The following NALF1 variants were observed in gnomAD, a reference collection of about 807,000 sequenced individuals.
NALF1 encodes family with sequence similarity 155 member A.
Under a neutral mutation model 48.4 loss-of-function variants are expected in NALF1, and 3 were observed. The ratio of observed to expected loss-of-function variants is 0.06; its 90% CI spans 0.03 to 0.16. The LOEUF is 0.16. NALF1 is among the 10% of genes least tolerant of loss of function. The pLI, the probability that NALF1 is intolerant of heterozygous loss-of-function variation, is 1.00. For synonymous variants in NALF1, 262 were observed against 245.7 expected, an observed-to-expected ratio of 1.07 and a Z score of -0.62; for missense variants, 526 against 571.5, an observed-to-expected ratio of 0.92 and a Z score of 0.81.
chr13:107,801,893 A>G (rs550554456), intron 1 of NALF1, among the ~76,000 whole-genome samples: 3 of 152,242 alleles, frequency 2.0e-5, no homozygotes, highest in East Asian at 1.9e-4. Context: ...ATGATTCCGA[A>G]TTACCCTCTG....
rs1051030599 is a variant in NALF1, at chr13:107,277,152, C to T, written c.916-66397G>A. On this transcript the variant is annotated intron_variant, in intron 1 of 2. Coordinates refer to ENST00000375915, the MANE Select transcript of NALF1 (RefSeq NM_001080396.3). ...AAATAAGGAATACTGAGTATCTGCC[C>T]GGAAACTGCCAATTTAATACTTAAA... Among the ~76,000 whole-genome samples, 11 of 152,202 alleles carry T rather than the reference C, an allele frequency of 7.2e-5. No individual in the cohort carries two copies. The East Asian group carries it at 1.2e-3, about 16-fold the overall frequency.
intron 1 of NALF1, among the ~76,000 whole-genome samples, chr13:107,336,918 T>C (rs1439806335): frequency 1.3e-5 from 2 of 151,912 alleles, no homozygotes; most frequent in Non-Finnish European, 2.9e-5. Context: ...TCATGAATAA[T>C]GATCAATTGA....
At chr13:107,494,284 G>A (rs1030064274) in intron 1 of NALF1, among the ~76,000 whole-genome samples, 16 of 152,102 alleles carry the variant, frequency 1.1e-4, no homozygotes, top group African/African-American at 3.6e-4. Context: ...ACACCAAAAG[G>A]CAGGTAGACA....
chr13:107,545,761 G>T, intron 1 of NALF1, among the ~76,000 whole-genome samples: 1 of 152,164 alleles, frequency 6.6e-6, no homozygotes, highest in East Asian at 1.9e-4. Context: ...GGCAAGATAG[G>T]CAGTGCGAGA....
At chr13:107,554,939 G>A (rs1877413581) in intron 1 of NALF1, among the ~76,000 whole-genome samples, 1 of 152,084 alleles carries the variant, frequency 6.6e-6, no homozygotes, top group African/African-American at 2.4e-5. Flanking sequence ...ACTAACAACT[G>A]TGCAGAAGAG....
intron 1 of NALF1, among the ~76,000 whole-genome samples, chr13:107,278,189 C>A (rs528133682): frequency 6.6e-6 from 1 of 152,286 alleles, no homozygotes; most frequent in South Asian, 2.1e-4. Context: ...TAGAGTCTAT[C>A]ATTGGCTGGA....
At chr13:107,675,126 A>G (rs1442621857) in intron 1 of NALF1, among the ~76,000 whole-genome samples, 1 of 152,196 alleles carries the variant, frequency 6.6e-6, no homozygotes, top group Non-Finnish European at 1.5e-5. Context: ...TAAAGGCTCA[A>G]TTCAAATATC....
At chr13:107,553,707 T>C (rs971234740) in intron 1 of NALF1, among the ~76,000 whole-genome samples, 1 of 152,234 alleles carries the variant, frequency 6.6e-6, no homozygotes, top group African/African-American at 2.4e-5. Context: ...CTTATGGATA[T>C]ACTACAGCAA....
intron 1 of NALF1, among the ~76,000 whole-genome samples, chr13:107,469,761 T>TTTG: frequency 8.9e-6 from 1 of 112,290 alleles, no homozygotes; most frequent in Non-Finnish European, 1.9e-5. Flanking sequence ...TTTTTTTTTT[T>TTTG]GAGACAGCGT....
At chr13:107,850,116 T>C (rs1026710380) in intron 1 of NALF1, among the ~76,000 whole-genome samples, 8 of 152,320 alleles carry the variant, frequency 5.3e-5, no homozygotes, top group Middle Eastern at 3.4e-3. Context: ...TTAGTTTTCT[T>C]ATCTGCAAAA....
At chr13:107,223,937 C>G (rs1272945520) in intron 1 of NALF1, among the ~76,000 whole-genome samples, 2 of 152,082 alleles carry the variant, frequency 1.3e-5, no homozygotes, top group African/African-American at 4.8e-5. Context: ...CTTCTTTATC[C>G]TGAGCTAAAC....
chr13:107,802,932 G>A (rs1299877345), intron 1 of NALF1, among the ~76,000 whole-genome samples: 1 of 152,150 alleles, frequency 6.6e-6, no homozygotes, highest in Admixed American at 6.5e-5. Context: ...TCACATGAAT[G>A]GTTATTCGAT....
intron 1 of NALF1, among the ~76,000 whole-genome samples, chr13:107,700,072 T>C (rs1441851799): frequency 1.3e-5 from 2 of 151,970 alleles, no homozygotes; most frequent in Non-Finnish European, 2.9e-5. Context: ...AAAATGTCCA[T>C]ACTACACAAA....
chr13:107,228,328 T>C (rs1473719650), intron 1 of NALF1, among the ~76,000 whole-genome samples: 3 of 152,260 alleles, frequency 2.0e-5, no homozygotes, highest in Non-Finnish European at 2.9e-5. Context: ...TGTTAGACAA[T>C]CCTGCATATC....
chr13:107,272,646 G>A (rs1291157187), intron 1 of NALF1, among the ~76,000 whole-genome samples: 2 of 152,072 alleles, frequency 1.3e-5, no homozygotes, highest in African/African-American at 4.8e-5. Flanking sequence ...AATAGTTCCT[G>A]TTTTGTGTGA....
chr13:107,796,494 G>T (rs535152416), intron 1 of NALF1, among the ~76,000 whole-genome samples: 1 of 152,184 alleles, frequency 6.6e-6, no homozygotes, highest in South Asian at 2.1e-4. Flanking sequence ...ACTTTTCACT[G>T]GTCAAGATTT....
intron 1 of NALF1, among the ~76,000 whole-genome samples, chr13:107,849,294 A>G (rs529804049): frequency 6.6e-6 from 1 of 152,312 alleles, no homozygotes; most frequent in African/African-American, 2.4e-5. Flanking sequence ...GGTTATAACA[A>G]CCTTGCTTCT....
intron 1 of NALF1, among the ~76,000 whole-genome samples, chr13:107,511,966 G>A (rs1013576332): frequency 2.0e-5 from 3 of 152,182 alleles, no homozygotes; most frequent in East Asian, 3.9e-4. Context: ...CAATGTTTCT[G>A]GCTGTCTTTG....
At chr13:107,465,260 G>A (rs993845002) in intron 1 of NALF1, among the ~76,000 whole-genome samples, 14 of 150,642 alleles carry the variant, frequency 9.3e-5, no homozygotes, top group African/African-American at 3.4e-4. Context: ...TCACTTTTTG[G>A]TTTGTTAAAT....
Sources: allele counts gnomAD v4.1 joint callset (sites outside exome capture counted in the v4.1 genomes callset), GRCh38; gene constraint gnomAD v4.1.1; transcripts MANE v1.5; gene names NCBI Gene and HGNC (gene_info 2026-07-23, HGNC 2026-07-21).